The following PHF23 variants were observed in gnomAD, a reference collection of about 807,000 sequenced individuals.
PHF23 encodes the protein PDH-containing protein JUNE-1.
Under a neutral mutation model 36.0 loss-of-function variants are expected in PHF23, and 3 were observed. The ratio of observed to expected loss-of-function variants is 0.08; its 90% confidence interval spans 0.04 to 0.22. The LOEUF (loss-of-function observed/expected upper bound fraction) is 0.22, where lower values mean the gene tolerates loss of function less well. Among genes scored for constraint, PHF23 ranks in the 10% least tolerant of loss-of-function variants. The probability of loss-of-function intolerance (pLI) is 1.00; values close to 1 mark genes in which losing one functional copy is unlikely to be tolerated. For synonymous variants in PHF23, 242 were observed against 192.5 expected, an observed-to-expected ratio of 1.26 and a Z score of -2.13; for missense variants, 475 against 513.6, an observed-to-expected ratio of 0.92 and a Z score of 0.73.
Position 7,237,900 on chromosome 17 carries a change from C to T in PHF23, c.35-240G>A, listed in dbSNP as rs538612610. The T allele has an allele frequency of 5.2e-4, 285 of 548,170 alleles. 5 individuals are homozygous for T. The South Asian group carries it at 5.8e-3, about 11-fold the overall frequency. 34.0% of individuals were successfully genotyped at this position (548,170 alleles called of 1,614,324 possible). On this transcript the variant is annotated intron_variant, in intron 1 of 4. Coordinates refer to ENST00000320316, the MANE Select transcript of PHF23 (RefSeq NM_024297.3). Reference sequence around the variant, plus strand: ...GCTCCCCTTCCCCCAACCGGAGGCCCGGCGCCCCGCCCCCCCAACTCACGG... The same window carrying T: ...GCTCCCCTTCCCCCAACCGGAGGCCTGGCGCCCCGCCCCCCCAACTCACGG...
chr17:7,235,535 T>C lies in PHF23; in HGVS notation c.*91A>G. 3 of 1,310,346 alleles carry C rather than the reference T, an allele frequency of 2.3e-6. No homozygotes were observed. The highest frequency in any genetic ancestry group is 2.4e-5 in the South Asian group (2 of 82,948). The allele number at this position is 1,310,346 out of a possible 1,614,324, so 81.2% of individuals were successfully genotyped here. ...AATTCCTGCCTTGAAGTGCAGACAG[T>C]ATCCAAGCTCCAGGGGATAGGCTGA... On this transcript the variant is annotated 3_prime_UTR_variant, in exon 5 of 5. Transcript: ENST00000320316.
Position 7,239,443 on chromosome 17 carries a change from A to C in PHF23, c.-164T>G. 4.7e-5 allele frequency: 16 copies of C among 339,518 alleles called. No homozygotes were observed. Among genetic ancestry groups the C allele is most frequent in the South Asian group, 6.9e-5 (2 of 29,126 alleles). The allele number at this position is 339,518 out of a possible 1,614,324, so 21.0% of individuals were successfully genotyped here. ...GCCGCTGCCGCCACCTCCCTCTACCACTGCCTCCCGCACTCCCGGACCGGG... is the reference window on the plus strand; with the variant it reads ...GCCGCTGCCGCCACCTCCCTCTACCCCTGCCTCCCGCACTCCCGGACCGGG... On this transcript the variant is annotated 5_prime_UTR_variant, in exon 1 of 5. Coordinates refer to ENST00000320316, the MANE Select transcript of PHF23 (RefSeq NM_024297.3).
intron 1 of PHF23, chr17:7,238,531 G>C: frequency 3.9e-6 from 4 of 1,020,282 alleles, no homozygotes; most frequent in South Asian, 3.7e-5. Context: ...TCTCTCCACA[G>C]CAGCCACCGC....
chr17:7,240,597 C>A, upstream of PHF23: 1 of 435,422 alleles, frequency 2.3e-6, no homozygotes, highest in East Asian at 4.3e-5. Flanking sequence ...GTGACACAGA[C>A]TGACAATCAA....
chr17:7,238,602 AACCCTACCC>A, intron 1 of PHF23: 1 of 912,980 alleles, frequency 1.1e-6, no homozygotes, highest in South Asian at 3.9e-5. Flanking sequence ...CTCGCGGACC[AACCCTACCC>A]CCCCGCCCGA....
chr17:7,237,696 G>C (rs776719334), intron 1 of PHF23, 36 bp from the exon 2 acceptor site: 59 of 1,611,280 alleles, frequency 3.7e-5, no homozygotes, highest in Non-Finnish European at 4.8e-5. Flanking sequence ...AAGACACTAG[G>C]AACAATCTGT....
chr17:7,237,960 C>T (rs1227791645), intron 1 of PHF23: 2 of 394,126 alleles, frequency 5.1e-6, no homozygotes, highest in Admixed American at 4.2e-5. Context: ...GATCCCTCAG[C>T]GCCCCACCCC....
intron 1 of PHF23, 63 bp downstream of exon 1, chr17:7,239,183 T>C: frequency 2.5e-6 from 3 of 1,209,844 alleles, no homozygotes; most frequent in East Asian, 5.3e-5. Flanking sequence ...ACCTCCAAGT[T>C]TGCCAATTGA....
At chr17:7,237,524 G>A (rs369484977) in intron 2 of PHF23, 47 bp from the exon 3 acceptor site, 943 of 1,607,180 alleles carry the variant, frequency 5.9e-4, no homozygotes, top group Non-Finnish European at 7.7e-4. Flanking sequence ...CACAGTTTAA[G>A]AATGGCATTC....
Position 7,236,025 on chromosome 17 carries a change from T to C in PHF23, c.902A>G (p.Lys301Arg), listed in dbSNP as rs1172786656. ...GCTTGTTTCAGTGCTGCCCACCTCC[T>C]TGCTTTCACTGTCAGCAGGAGGGAC... Reference protein sequence around the residue: ...EGVPPADSESKEVGSTETSQD... With the variant: ...EGVPPADSESREVGSTETSQD... The change falls in exon 4 of 5, where the codon AAG (lysine) becomes AGG (arginine). Residue 301 changes from lysine (K) to arginine (R), a missense_variant. Physicochemically the swap from Lys to Arg is conservative, Grantham distance 26 (BLOSUM62 2). Transcript: ENST00000320316. The surrounding 1 kb of genome is among the most constrained non-coding windows in gnomAD (Gnocchi z 5.1). 1.2e-6 allele frequency: 2 copies of C among 1,613,992 alleles called. No individual in the cohort carries two copies.
In PHF23 at chr17:7,235,683, C is replaced by G; in HGVS notation, c.1155G>C (p.Lys385Asn). 1 of 1,614,180 alleles carries G rather than the reference C, an allele frequency of 6.2e-7. No individual in the cohort carries two copies. The highest frequency in any genetic ancestry group is 8.5e-7 in the Non-Finnish European group (1 of 1,180,034). ...ACCGCCGGGCCTCTGGCCTCAGTTC[C>G]TTGCATTTCTGGCAATAAAAGAAGT... ...VPDFFYCQKC[K>N]ELRPEARRLG... The change falls in exon 5 of 5, where the codon AAG (lysine) becomes AAC (asparagine). Residue 385 changes from lysine (K) to asparagine (N), a missense_variant. Physicochemically the swap from Lys to Asn is moderately conservative, Grantham distance 94 (BLOSUM62 0). This residue lies in a region of PHF23 where 28 missense variants were observed against 24.6 expected (regional missense o/e 1.14). Coordinates refer to ENST00000320316, the MANE Select transcript of PHF23 (RefSeq NM_024297.3).
In PHF23 at chr17:7,238,826, C is replaced by G. The variant is rs911318658; in HGVS notation, c.34+420G>C. ...CGGGCATTCTCCGGCGGCAACTACT[C>G]GGAGCTCCGGTACCACCGCCACAAA... is the stretch of plus-strand genomic sequence containing the variant. On this transcript the variant is annotated intron_variant, in intron 1 of 4. Coordinates refer to ENST00000320316, the MANE Select transcript of PHF23 (RefSeq NM_024297.3). 3.3e-6 allele frequency: 5 copies of G among 1,533,998 alleles called. No individual in the cohort carries two copies. In the Admixed American group the frequency reaches 9.8e-5, roughly 30 times the overall value.
intron 1 of PHF23, chr17:7,239,040 G>C: frequency 7.4e-7 from 1 of 1,354,460 alleles, no homozygotes; most frequent in Non-Finnish European, 9.8e-7. Flanking sequence ...CCCCCACACC[G>C]TCTGATCTCC....
chr17:7,239,562 C>G (rs571624651), upstream of PHF23: 123 of 345,300 alleles, frequency 3.6e-4, 1 homozygote, highest in African/African-American at 2.5e-3. Flanking sequence ...CTCCTCCCCC[C>G]GCCGGCGCCG....
At chr17:7,237,334 C>A (rs374536616) in intron 3 of PHF23, 51 bp downstream of exon 3, 4 of 1,456,324 alleles carry the variant, frequency 2.7e-6, no homozygotes, top group Non-Finnish European at 3.8e-6. Flanking sequence ...ACAACAGTCA[C>A]TCTATAGTCC....
chr17:7,238,737 C>CCT (rs2071734044), intron 1 of PHF23: 1 of 1,509,810 alleles, frequency 6.6e-7, no homozygotes, highest in Non-Finnish European at 8.8e-7. Flanking sequence ...GGTCCGTCTG[C>CCT]CGTAGACAAT....
chr17:7,239,256 G>C lies in PHF23; in HGVS notation c.24C>G (p.Pro8=). The C allele has an allele frequency of 6.5e-7, 1 of 1,548,294 alleles. No homozygotes were observed. Among genetic ancestry groups the C allele is most frequent in the Non-Finnish European group, 8.8e-7 (1 of 1,130,962 alleles). ...CGGTCGAGAGCTCACCTTCGGGACT[G>C]GGCTCCGCCATGGCTTCCAGCATCG... is the stretch of plus-strand genomic sequence containing the variant. The part of the protein sequence containing the change: MLEAMAE[P]SPEDPPPTLK... The change falls in exon 1 of 5, where the codon CCC becomes CCG. Residue 8 remains proline (P), a synonymous_variant. Coordinates refer to ENST00000320316, the MANE Select transcript of PHF23 (RefSeq NM_024297.3).
chr17:7,237,329 A>G (rs971084730), intron 3 of PHF23, 56 bp downstream of exon 3: 1 of 1,405,314 alleles, frequency 7.1e-7, no homozygotes, highest in South Asian at 1.2e-5. Flanking sequence ...TTTGAACAAC[A>G]GTCACTCTAT....
upstream of PHF23, chr17:7,240,800 G>T (rs986726567): frequency 8.3e-7 from 1 of 1,203,404 alleles, no homozygotes; most frequent in Non-Finnish European, 1.2e-6. Context: ...AAGAAAGGGG[G>T]GCCACCTCTC....
Sources: allele counts gnomAD v4.1 joint callset, GRCh38; gene constraint gnomAD v4.1.1; regional missense constraint gnomAD v4.1.1; non-coding constraint Gnocchi (gnomAD v3.1); transcripts MANE v1.5; gene names NCBI Gene and HGNC (gene_info 2026-07-23, HGNC 2026-07-21).